SORCS3: variants seen among roughly 807,000 people sequenced by gnomAD.
SORCS3 encodes the protein VPS10 domain-containing receptor SorCS3.
In SORCS3, 57 loss-of-function variants were observed where a neutral mutation model predicts 146.3. The observed-to-expected ratio is 0.39, with a 90% CI of 0.31 to 0.49. SORCS3 has a LOEUF of 0.49. Ranked by LOEUF, SORCS3 falls within the 20% of genes least tolerant of loss-of-function variation. The pLI, the probability that SORCS3 is intolerant of heterozygous loss-of-function variation, is 0.92. For missense variants in SORCS3, 1,341 were observed against 1,575.5 expected, an observed-to-expected ratio of 0.85 and a Z score of 2.52; for synonymous variants, 653 against 618.5, an observed-to-expected ratio of 1.06 and a Z score of -0.83.
At chr10:104,733,180 G>T (rs920676948) in intron 1 of SORCS3, among the ~76,000 whole-genome samples, 1 of 152,160 alleles carries the variant, frequency 6.6e-6, no homozygotes, top group African/African-American at 2.4e-5. Flanking sequence ...GCCCCCAGGA[G>T]CCCTGAGAAG....
intron 20 of SORCS3, among the ~76,000 whole-genome samples, chr10:105,236,479 T>G (rs768186845): frequency 2.6e-5 from 4 of 152,150 alleles, no homozygotes; most frequent in Non-Finnish European, 4.4e-5. Context: ...TGTGCAGATG[T>G]GAGGGTTTGG....
intron 1 of SORCS3, among the ~76,000 whole-genome samples, chr10:104,775,722 AG>A (rs2017300972): frequency 6.6e-6 from 1 of 152,232 alleles, no homozygotes; most frequent in African/African-American, 2.4e-5. Flanking sequence ...TTCTCCAGAC[AG>A]AACATCATTG....
chr10:104,865,042 C>T (rs2018445060), intron 2 of SORCS3, among the ~76,000 whole-genome samples: 1 of 152,216 alleles, frequency 6.6e-6, no homozygotes, highest in South Asian at 2.1e-4. Context: ...CCTTGTTGAG[C>T]ACTTGTTATA....
At chr10:105,242,585 T>TTTATATAC (rs1564793640) in intron 20 of SORCS3, among the ~76,000 whole-genome samples, 9 of 97,932 alleles carry the variant, frequency 9.2e-5, no homozygotes, top group South Asian at 3.6e-4. Context: ...TATTTATATA[T>TTTATATAC]ATTTATATAT....
At chr10:104,727,561 A>G (rs185147961) in intron 1 of SORCS3, among the ~76,000 whole-genome samples, 2,056 of 151,534 alleles carry the variant, frequency 0.014, 37 homozygotes, top group African/African-American at 0.041. Context: ...ATATATATAT[A>G]TATAAGATGC....
In SORCS3 at chr10:105,263,494, A is replaced by T; in HGVS notation, c.*120A>T. ...CCTTTTGTTTACCAAGGGCCCCTTC[A>T]TAAATAGCAGGCAAATGCCTAGCTT... On this transcript the variant is annotated 3_prime_UTR_variant, in exon 27 of 27. Coordinates refer to ENST00000369701, the MANE Select transcript of SORCS3 (RefSeq NM_014978.3). 1.1e-6 allele frequency: 1 copy of T among 935,386 alleles called. No individual in the cohort carries two copies. The highest frequency in any genetic ancestry group is 1.6e-6 in the Non-Finnish European group (1 of 613,048). The allele number at this position is 935,386 out of a possible 1,614,324, so 57.9% of individuals were successfully genotyped here.
chr10:104,830,691 C>A (rs562341350), intron 1 of SORCS3, among the ~76,000 whole-genome samples: 1 of 152,224 alleles, frequency 6.6e-6, no homozygotes, highest in Non-Finnish European at 1.5e-5. Flanking sequence ...ACCTGCCATA[C>A]ATAGGCAGGA....
At chr10:105,016,155 A>ATATATATATATATATT (rs71482443) in intron 4 of SORCS3, among the ~76,000 whole-genome samples, 2 of 101,342 alleles carry the variant, frequency 2.0e-5, no homozygotes, top group African/African-American at 4.8e-5. Flanking sequence ...ATATATATAT[A>ATATATATATATATATT]TTTTTTTTTT....
chr10:104,673,601 C>T (rs1193028143), intron 1 of SORCS3, among the ~76,000 whole-genome samples: 1 of 151,930 alleles, frequency 6.6e-6, no homozygotes, highest in Admixed American at 6.6e-5. Flanking sequence ...GTGCATGCCA[C>T]CATGCCCAGC....
intron 1 of SORCS3, among the ~76,000 whole-genome samples, chr10:104,804,144 A>G (rs529516734): frequency 6.6e-6 from 1 of 152,292 alleles, no homozygotes; most frequent in Admixed American, 6.5e-5. Context: ...CAGCTTTTTC[A>G]CATGGATCAT....
chr10:104,987,982 A>T (rs2054972005), intron 4 of SORCS3, among the ~76,000 whole-genome samples: 2 of 152,204 alleles, frequency 1.3e-5, no homozygotes, highest in South Asian at 4.1e-4. Flanking sequence ...CCTTGGAAAT[A>T]GAGATACATG....
At chr10:104,923,991 C>A (rs2019113574) in intron 3 of SORCS3, among the ~76,000 whole-genome samples, 1 of 152,182 alleles carries the variant, frequency 6.6e-6, no homozygotes, top group South Asian at 2.1e-4. Flanking sequence ...AATACTTCAA[C>A]AGAAACTCTA....
intron 1 of SORCS3, among the ~76,000 whole-genome samples, chr10:104,657,254 C>T (rs1174363460): frequency 1.3e-5 from 2 of 152,172 alleles, no homozygotes; most frequent in Non-Finnish European, 1.5e-5. Flanking sequence ...AACCACGTAG[C>T]TGAGCCCAGT....
At chr10:104,873,199 A>G (rs2018536779) in intron 2 of SORCS3, among the ~76,000 whole-genome samples, 3 of 152,268 alleles carry the variant, frequency 2.0e-5, no homozygotes, top group South Asian at 4.1e-4. Context: ...TTTCTGATGC[A>G]GAAATGCAGT....
chr10:104,719,481 A>C (rs1048125746), intron 1 of SORCS3, among the ~76,000 whole-genome samples: 26 of 152,180 alleles, frequency 1.7e-4, no homozygotes, highest in African/African-American at 5.8e-4. Context: ...TATTCATCTG[A>C]AAGAATGGAA....
chr10:105,048,286 A>G, intron 5 of SORCS3, among the ~76,000 whole-genome samples: 2 of 147,288 alleles, frequency 1.4e-5, no homozygotes, highest in Admixed American at 6.8e-5. Context: ...AACCAACCCA[A>G]ATGTCCAACA....
intron 20 of SORCS3, among the ~76,000 whole-genome samples, chr10:105,231,833 A>G (rs534257769): frequency 6.6e-6 from 1 of 152,236 alleles, no homozygotes; most frequent in South Asian, 2.1e-4. Context: ...TAAATGTTGA[A>G]CCAGCCTTGG....
At chr10:104,943,061 G>T (rs2019336190) in intron 3 of SORCS3, among the ~76,000 whole-genome samples, 1 of 152,182 alleles carries the variant, frequency 6.6e-6, no homozygotes, top group Non-Finnish European at 1.5e-5. Flanking sequence ...AGTGAATATG[G>T]CAAGGTCACT....
chr10:104,838,115 T>A (rs897992242), intron 1 of SORCS3, among the ~76,000 whole-genome samples: 14 of 152,212 alleles, frequency 9.2e-5, no homozygotes, highest in African/African-American at 3.4e-4. Context: ...GGAGTGCAAT[T>A]AATGTTAGCT....
Sources: gnomAD v4.1 joint callset for allele counts (sites outside exome capture counted in the v4.1 genomes callset) on GRCh38, gnomAD v4.1.1 for gene constraint, MANE v1.5 for transcripts, NCBI Gene and HGNC (gene_info 2026-07-23, HGNC 2026-07-21) for gene names.